Variants in CYP2A6 observed in about 807,000 individuals in gnomAD.
The protein encoded by CYP2A6 is cytochrome P450 family 2 subfamily A member 6.
In CYP2A6, 27 loss-of-function variants were observed where a neutral mutation model predicts 42.3. That is an observed-to-expected ratio of 0.64 (90% CI 0.47 to 0.88). CYP2A6 has a LOEUF of 0.88. Ranked by LOEUF, CYP2A6 falls within the 40% of genes least tolerant of loss-of-function variation. The pLI is 0.00. For missense variants in CYP2A6, 628 were observed against 646.0 expected, an observed-to-expected ratio of 0.97 and a Z score of 0.30; for synonymous variants, 238 against 246.3, an observed-to-expected ratio of 0.97 and a Z score of 0.31.
intron 5 of CYP2A6, among the ~76,000 whole-genome samples, chr19:40,846,595 T>A (rs1171469327): frequency 6.6e-6 from 1 of 151,274 alleles, no homozygotes; most frequent in African/African-American, 2.4e-5. Flanking sequence ...CTGCCCCCCT[T>A]CGCGCCACCA....
chr19:40,848,767 G>T lies in CYP2A6; in HGVS notation c.344-4C>A. On this transcript the variant is annotated splice_polypyrimidine_tract_variant and splice_region_variant and intron_variant, in intron 2 of 8. Transcript: ENST00000301141. ...TCCCCGTTGCTGAATACCACGCCTG[G>T]GGAGGTGAACGCGGGAATGGAGACA... 6.2e-7 allele frequency: 1 copy of T among 1,610,716 alleles called. No individual in the cohort carries two copies. The highest frequency in any genetic ancestry group is 8.5e-7 in the Non-Finnish European group (1 of 1,179,642).
At position 40,844,631 on chromosome 19, in the gene CYP2A6, C is replaced by T. The variant is rs755365845; in HGVS notation, c.1303G>A (p.Gly435Arg). The T allele has an allele frequency of 4.3e-6, 7 of 1,611,298 alleles. No homozygotes were observed. The highest frequency in any genetic ancestry group is 5.1e-6 in the Non-Finnish European group (6 of 1,179,812). The change falls in exon 8 of 9, where the codon GGA (glycine) becomes AGA (arginine). Residue 435 changes from glycine to arginine, a missense_variant and splice_region_variant. Physicochemically the swap from Gly to Arg is moderately radical, Grantham distance 125 (BLOSUM62 -2). This residue lies in a region of CYP2A6 where 606 missense variants were observed against 568.1 expected (regional missense o/e 1.07). Transcript: ENST00000301141. ...KSDAFVPFSI[G>R]KRNCFGEGLA... Reference sequence around the variant, plus strand: ...CTGGCAGCAAACAGTGGTCTCTTACCGATGGAAAAGGGCACAAAAGCATCA... The same window carrying T: ...CTGGCAGCAAACAGTGGTCTCTTACTGATGGAAAAGGGCACAAAAGCATCA...
In CYP2A6 at chr19:40,844,706, C is replaced by A. The variant is rs371553133; in HGVS notation, c.1228G>T (p.Asp410Tyr). Residue 410 changes from aspartate to tyrosine, a missense_variant, in exon 8 of 9, where the codon GAC (aspartate) becomes TAC (tyrosine). Transcript: ENST00000301141. ...RDPSFFSNPQ[D>Y]FNPQHFLNEK... The stretch of plus-strand genomic sequence containing the variant: ...TTCAGGAAGTGCTGGGGATTGAAGT[C>A]CTGGGGGTTGGAGAAGAAACTGGGG... 28 of 1,611,612 alleles carry A rather than the reference C, an allele frequency of 1.7e-5. No individual in the cohort carries two copies. Among genetic ancestry groups the A allele is most frequent in the Non-Finnish European group, 2.2e-5 (26 of 1,179,848 alleles).
intron 4 of CYP2A6, 149 bp downstream of exon 4, chr19:40,848,070 G>C: frequency 7.1e-7 from 1 of 1,406,570 alleles, no homozygotes; most frequent in Non-Finnish European, 9.6e-7. Context: ...CTGGGTTCTG[G>C]TGCAACTGTC....
At chr19:40,848,804 G>T in intron 2 of CYP2A6, 41 bp from the exon 3 acceptor site, 1 of 1,580,290 alleles carries the variant, frequency 6.3e-7, no homozygotes, top group Non-Finnish European at 8.6e-7. Flanking sequence ...GCCAGGGGGC[G>T]GCAGGGGCAG....
chr19:40,844,993 TG>T (rs2083448476), intron 7 of CYP2A6: 1 of 669,912 alleles, frequency 1.5e-6, no homozygotes, highest in Non-Finnish European at 2.5e-6. Context: ...GGCAGGAGTT[TG>T]GGGGACCTGA....
intron 5 of CYP2A6, 37 bp downstream of exon 5, chr19:40,846,838 G>A (rs1967108939): frequency 6.2e-7 from 1 of 1,606,632 alleles, no homozygotes; most frequent in Non-Finnish European, 8.5e-7. Flanking sequence ...CCCTCTGCCT[G>A]GCTTTGCATC....
rs779015217 is a variant in CYP2A6, at chr19:40,848,670, T to C, written c.437A>G (p.Glu146Gly). ...RDFGVGKRGI[E>G]ERIQEEAGFL... ...GCCCGCCTCCTCCTGGATGCGCTCC[T>C]CGATGCCTCGCTTGCCCACCCCGAA... Residue 146 changes from glutamate (E) to glycine (G), a missense_variant, in exon 3 of 9, where the codon GAG becomes GGG. By Grantham distance (98) the Glu-to-Gly change is moderately conservative. Coordinates refer to ENST00000301141, the MANE Select transcript of CYP2A6 (RefSeq NM_000762.6). 21 of 1,611,854 alleles carry C rather than the reference T, an allele frequency of 1.3e-5. No homozygotes were observed. Among genetic ancestry groups the C allele is most frequent in the Non-Finnish European group, 1.7e-5 (20 of 1,179,904 alleles).
At chr19:40,845,861 G>A (rs890019809) in intron 6 of CYP2A6, 95 bp downstream of exon 6, 10 of 1,531,374 alleles carry the variant, frequency 6.5e-6, no homozygotes, top group East Asian at 4.8e-5. Flanking sequence ...CACGTCTCAG[G>A]GTCCCGGGAT....
At chr19:40,845,223 T>G (rs2083449813) in intron 7 of CYP2A6, 71 bp downstream of exon 7, 2 of 1,588,590 alleles carry the variant, frequency 1.3e-6, no homozygotes, top group South Asian at 1.1e-5. Flanking sequence ...GCTTCTAATG[T>G]GGGTGGGATG....
rs543693586 is a variant in CYP2A6, at chr19:40,844,813, G to C, written c.1162-41C>G. The C allele has an allele frequency of 1.3e-6, 2 of 1,585,726 alleles. 1 individual carries two copies. Among genetic ancestry groups the C allele is most frequent in the South Asian group, 2.3e-5 (2 of 86,610 alleles). ...AAGTTGTGTGTGATGAGGAGGGTCGGGGGATTGGTGAAAGTACACAGGGGC... is the reference window on the plus strand; with the variant it reads ...AAGTTGTGTGTGATGAGGAGGGTCGCGGGATTGGTGAAAGTACACAGGGGC... On this transcript the variant is annotated intron_variant, in intron 7 of 8. Transcript: ENST00000301141.
intron 5 of CYP2A6, 57 bp downstream of exon 5, chr19:40,846,818 A>G: frequency 1.3e-6 from 2 of 1,596,434 alleles, no homozygotes; most frequent in Non-Finnish European, 8.5e-7. Context: ...CCCCACTCCC[A>G]GACTGATTTC....
chr19:40,846,238 G>A (rs752592909), intron 5 of CYP2A6, 141 bp from the exon 6 acceptor site: 35 of 1,235,162 alleles, frequency 2.8e-5, no homozygotes, highest in Non-Finnish European at 3.5e-5. Flanking sequence ...CTCGCTCTAG[G>A]TTCCAGCCCT....
intron 2 of CYP2A6, 132 bp from the exon 3 acceptor site, chr19:40,848,895 GC>G: frequency 9.9e-7 from 1 of 1,010,328 alleles, no homozygotes; most frequent in Non-Finnish European, 1.4e-6. Flanking sequence ...CAGCGCCATT[GC>G]CCAGCAGAGC....
chr19:40,846,854 G>T (rs546098110), intron 5 of CYP2A6, 21 bp downstream of exon 5: 35 of 1,609,984 alleles, frequency 2.2e-5, no homozygotes, highest in Non-Finnish European at 2.8e-5. Context: ...GCATCTCCCC[G>T]CAGTGGCTGC....
chr19:40,846,562 G>A lies in CYP2A6; in HGVS notation c.831+313C>T, dbSNP rs373351065. ...GTCACCCAGACTGGAGTGCAATGCC[G>A]TGATCTTGGCTCATTGCAACCTCTG... On this transcript the variant is annotated intron_variant, in intron 5 of 8. Coordinates refer to ENST00000301141, the MANE Select transcript of CYP2A6 (RefSeq NM_000762.6). Among the ~76,000 whole-genome samples, 17 of 151,210 alleles carry A rather than the reference G, an allele frequency of 1.1e-4. 1 individual carries two copies. The highest frequency in any genetic ancestry group is 6.0e-4 in the East Asian group (3 of 4,960).
intron 7 of CYP2A6, chr19:40,844,982 AG>A (rs908229296): frequency 5.7e-6 from 4 of 700,134 alleles, no homozygotes; most frequent in Non-Finnish European, 9.3e-6. Context: ...ATGTCCTTCT[AG>A]GCAGGAGTTT....
chr19:40,848,498 C>T (rs748437396), intron 3 of CYP2A6, 116 bp downstream of exon 3: 7 of 1,578,210 alleles, frequency 4.4e-6, no homozygotes, highest in Non-Finnish European at 6.0e-6. Flanking sequence ...GACTCCAGGG[C>T]TGGAAGTGCG....
chr19:40,845,132 T>A, intron 7 of CYP2A6, 162 bp downstream of exon 7: 1 of 838,716 alleles, frequency 1.2e-6, no homozygotes, highest in Non-Finnish European at 1.9e-6. Context: ...CTCAGGAGTG[T>A]CTAAGTGGAA....
Sources: gnomAD v4.1 joint callset for allele counts (sites outside exome capture counted in the v4.1 genomes callset) on GRCh38, gnomAD v4.1.1 for gene constraint, gnomAD v4.1.1 regional missense constraint, MANE v1.5 for transcripts, NCBI Gene and HGNC (gene_info 2026-07-23, HGNC 2026-07-21) for gene names.